Variants in C11orf65 observed in about 807,000 individuals in gnomAD.
C11orf65 encodes chromosome 11 open reading frame 65, also known as protein MFI.
Under a neutral mutation model 35.3 loss-of-function variants are expected in C11orf65, and 38 were observed. The observed-to-expected ratio is 1.08, with a 90% CI of 0.83 to 1.41. The LOEUF is 1.41. Ranked by LOEUF, C11orf65 falls within the 40% of genes most tolerant of loss-of-function variation. The probability of loss-of-function intolerance (pLI) is 0.00; values close to 1 mark genes in which losing one functional copy is unlikely to be tolerated. For missense variants in C11orf65, 370 were observed against 367.1 expected (o/e 1.01, Z -0.06); for synonymous variants, 105 against 114.4 (o/e 0.92, Z 0.53).
chr11:108,458,948 G>A (rs1209927922), intron 2 of C11orf65, among the ~76,000 whole-genome samples: 1 of 152,166 alleles, frequency 6.6e-6, no homozygotes, highest in Non-Finnish European at 1.5e-5. Flanking sequence ...ACTTAAGAAT[G>A]AAAGTCTGTG....
chr11:108,371,218 G>A lies in C11orf65; in HGVS notation c.226+21990C>T, dbSNP rs1251146508. On this transcript the variant is annotated intron_variant, in intron 2 of 3. Coordinates refer to the C11orf65 transcript ENST00000524755. ...GTTCATAGCCGGTATACTACTAATG[G>A]TGAGTCACTTAAAAACACCCACACA... is the stretch of plus-strand genomic sequence containing the variant. 2.6e-5 allele frequency among the ~76,000 whole-genome samples: 4 copies of A among 152,056 alleles called. No homozygotes were observed. The East Asian group carries it at 7.7e-4, about 29-fold the overall frequency.
chr11:108,327,682 T>C (rs1555120997), downstream of C11orf65: 5 of 1,614,034 alleles, frequency 3.1e-6, no homozygotes, highest in Non-Finnish European at 4.2e-6. Flanking sequence ...ACAGAATGTC[T>C]GAGGGTTTGT....
At chr11:108,460,696 G>C (rs138350741) in intron 2 of C11orf65, among the ~76,000 whole-genome samples, 1 of 152,180 alleles carries the variant, frequency 6.6e-6, no homozygotes, top group Non-Finnish European at 1.5e-5. Flanking sequence ...TGAAATAATT[G>C]TAACTTTTTG....
At chr11:108,310,745 C>T (rs1657797838) in intron 6 of C11orf65, among the ~76,000 whole-genome samples, 1 of 151,740 alleles carries the variant, frequency 6.6e-6, no homozygotes, top group African/African-American at 2.4e-5. Context: ...AATTATAATC[C>T]AAAATGGCTA....
intron 2 of C11orf65, among the ~76,000 whole-genome samples, chr11:108,432,874 G>C (rs1203302353): frequency 2.6e-5 from 4 of 152,170 alleles, no homozygotes; most frequent in African/African-American, 7.2e-5. Context: ...TACTATATCA[G>C]TTGTCTACTA....
chr11:108,336,056 G>T, intron 2 of C11orf65: 1 of 939,102 alleles, frequency 1.1e-6, no homozygotes, highest in South Asian at 1.4e-5. Context: ...TAATGCTTTG[G>T]GAGGCCAAGG....
intron 3 of C11orf65, chr11:108,333,787 G>C (rs2086530255): frequency 1.0e-6 from 1 of 952,880 alleles, no homozygotes; most frequent in Non-Finnish European, 1.7e-6. Context: ...CCACAGATTA[G>C]CAACAAGTTG....
rs1285920472 is a variant in C11orf65, at chr11:108,406,938, T to C, written c.254A>G (p.Tyr85Cys). The change falls in exon 5 of 9, where the codon TAT becomes TGT. Residue 85 changes from tyrosine to cysteine, a missense_variant. Coordinates refer to ENST00000393084, the MANE Select transcript of C11orf65 (RefSeq NM_152587.5). ...GGVKFPPDIYYKIFTHRPIED... is the reference protein window; with the variant it reads ...GGVKFPPDIYCKIFTHRPIED... Reference sequence around the variant, plus strand: ...AATAGGTCTGTGAGTAAAAATCTTATAGTATATATCAGGTGGAAATTTAAC... The same window carrying C: ...AATAGGTCTGTGAGTAAAAATCTTACAGTATATATCAGGTGGAAATTTAAC... 11 of 1,611,462 alleles carry C rather than the reference T, an allele frequency of 6.8e-6. No homozygotes were observed. The highest frequency in any genetic ancestry group is 4.0e-5 in the African/African-American group (3 of 74,884).
intron 6 of C11orf65, among the ~76,000 whole-genome samples, chr11:108,309,227 G>A (rs1371435389): frequency 6.6e-6 from 1 of 152,212 alleles, no homozygotes; most frequent in Non-Finnish European, 1.5e-5. Flanking sequence ...ATTGCTTGCT[G>A]TCTTTGAACC....
chr11:108,372,578 C>G (rs1037472303), intron 2 of C11orf65, among the ~76,000 whole-genome samples: 1 of 152,172 alleles, frequency 6.6e-6, no homozygotes, highest in African/African-American at 2.4e-5. Flanking sequence ...AGGAAATTAG[C>G]TGTTTGCCAG....
At chr11:108,423,502 C>T (rs184005053) in intron 3 of C11orf65, among the ~76,000 whole-genome samples, 12 of 152,290 alleles carry the variant, frequency 7.9e-5, no homozygotes, top group Admixed American at 2.6e-4. Flanking sequence ...CTTAAACGTT[C>T]CTGCCTGCCA....
chr11:108,380,332 A>C (rs972840567), downstream of C11orf65, among the ~76,000 whole-genome samples: 2 of 152,244 alleles, frequency 1.3e-5, no homozygotes, highest in Admixed American at 6.5e-5. Flanking sequence ...AAGTAGAGAT[A>C]CACATGGATT....
chr11:108,356,941 G>A (rs541931001), intron 2 of C11orf65, among the ~76,000 whole-genome samples: 1 of 152,200 alleles, frequency 6.6e-6, no homozygotes, highest in Non-Finnish European at 1.5e-5. Context: ...GGGAGGAGGA[G>A]CCAAGATGGC....
At position 108,345,786 on chromosome 11, in the gene C11orf65, T is replaced by G. The variant is rs1555138065; in HGVS notation, c.227-10494A>C. ...TTTGAAGAGAAATATGAAGTCTTCA[T>G]GGATGTTTGCCAAAATTTTCAACCA... On this transcript the variant is annotated intron_variant, in intron 2 of 3. Coordinates refer to the C11orf65 transcript ENST00000524755. 6.2e-7 allele frequency: 1 copy of G among 1,613,752 alleles called. No homozygotes were observed. Among genetic ancestry groups the G allele is most frequent in the Non-Finnish European group, 8.5e-7 (1 of 1,179,730 alleles).
intron 2 of C11orf65, among the ~76,000 whole-genome samples, chr11:108,375,585 C>G (rs2138161382): frequency 6.6e-6 from 1 of 152,194 alleles, no homozygotes; most frequent in Admixed American, 6.5e-5. Flanking sequence ...AACTAACGAA[C>G]AAAATAACCA....
intron 2 of C11orf65, among the ~76,000 whole-genome samples, chr11:108,374,958 A>G (rs982001634): frequency 3.3e-5 from 5 of 152,186 alleles, no homozygotes; most frequent in East Asian, 1.9e-4. Context: ...AAAGAAACGA[A>G]CAAAGCCTCC....
chr11:108,360,491 C>A (rs1444885003), intron 2 of C11orf65, among the ~76,000 whole-genome samples: 2 of 122,096 alleles, frequency 1.6e-5, no homozygotes, highest in Non-Finnish European at 3.4e-5. Flanking sequence ...GAGACACAAC[C>A]AAAAAAGAGA....
At chr11:108,445,784 C>T (rs1044517599) in intron 2 of C11orf65, among the ~76,000 whole-genome samples, 18 of 151,954 alleles carry the variant, frequency 1.2e-4, no homozygotes, top group East Asian at 5.8e-4. Flanking sequence ...ATGACTTTGA[C>T]GAGCTGAGAG....
intron 6 of C11orf65, chr11:108,325,978 C>T: frequency 6.7e-7 from 1 of 1,491,728 alleles, no homozygotes; most frequent in Non-Finnish European, 9.2e-7. Context: ...ATGGTAGTTG[C>T]TGCTTTCATT....
Sources: gnomAD v4.1 joint callset for allele counts (sites outside exome capture counted in the v4.1 genomes callset) on GRCh38, gnomAD v4.1.1 for gene constraint, MANE v1.5 for transcripts, NCBI Gene and HGNC (gene_info 2026-07-23, HGNC 2026-07-21) for gene names.